Variants in PLA2G4A observed in about 807,000 individuals in gnomAD.
PLA2G4A encodes the protein cytosolic phospholipase A2.
PLA2G4A carries 40 observed loss-of-function variants against 81.9 expected under a neutral mutation model. That is an observed-to-expected ratio of 0.49 (90% confidence interval 0.38 to 0.64). The LOEUF (loss-of-function observed/expected upper bound fraction) is 0.64, where lower values mean the gene tolerates loss of function less well. PLA2G4A is among the 30% of genes least tolerant of loss of function. PLA2G4A has a pLI of 0.00. For synonymous variants in PLA2G4A, 302 were observed against 296.9 expected (o/e 1.02, Z -0.18); for missense variants, 715 against 905.1 (o/e 0.79, Z 2.69).
At chr1:186,893,369 G>C (rs889826829) in intron 4 of PLA2G4A, among the ~76,000 whole-genome samples, 2 of 152,142 alleles carry the variant, frequency 1.3e-5, no homozygotes, top group African/African-American at 2.4e-5. Flanking sequence ...GAAAACTGCT[G>C]TCCTCCCCAC....
intron 12 of PLA2G4A, among the ~76,000 whole-genome samples, chr1:186,948,697 A>C (rs1171411707): frequency 6.6e-6 from 1 of 152,152 alleles, no homozygotes; most frequent in Non-Finnish European, 1.5e-5. Flanking sequence ...GCCAAGGAAA[A>C]GGAGGAGGTT....
At chr1:186,950,905 G>A (rs1253246411) in intron 13 of PLA2G4A, among the ~76,000 whole-genome samples, 177 bp downstream of exon 13, 1 of 152,164 alleles carries the variant, frequency 6.6e-6, no homozygotes, top group Non-Finnish European at 1.5e-5. Flanking sequence ...AAAATAGGCA[G>A]CACATATAAA....
intron 8 of PLA2G4A, among the ~76,000 whole-genome samples, chr1:186,933,169 A>G (rs1056856359): frequency 1.1e-4 from 16 of 152,186 alleles, no homozygotes; most frequent in African/African-American, 3.6e-4. Flanking sequence ...CTAATTGAAA[A>G]TAGTTCTAGA....
chr1:186,845,595 G>C lies in PLA2G4A; in HGVS notation c.-69-8691G>C, dbSNP rs560605742. Among the ~76,000 whole-genome samples, 15 of 152,226 alleles carry C rather than the reference G, an allele frequency of 9.9e-5. No homozygotes were observed. In the South Asian group the frequency reaches 1.9e-3, roughly 19 times the overall value. On this transcript the variant is annotated intron_variant, in intron 1 of 17. Transcript: ENST00000367466. ...GTCTATACAATGAGTTGGAGGGAAA[G>C]AGAAAAGAATCTTTTGCATTCCTAT...
chr1:186,898,056 C>T (rs1654404072), intron 5 of PLA2G4A, among the ~76,000 whole-genome samples: 1 of 152,018 alleles, frequency 6.6e-6, no homozygotes, highest in South Asian at 2.1e-4. Flanking sequence ...AAGTACAATA[C>T]CTTATTTTCA....
At chr1:186,899,423 G>T (rs1336535905) in intron 5 of PLA2G4A, among the ~76,000 whole-genome samples, 3 of 152,168 alleles carry the variant, frequency 2.0e-5, no homozygotes, top group Non-Finnish European at 4.4e-5. Flanking sequence ...TGTCCTTAAA[G>T]AAAGGGTGTG....
chr1:186,951,132 T>A (rs1453071215), intron 13 of PLA2G4A, among the ~76,000 whole-genome samples: 1 of 152,126 alleles, frequency 6.6e-6, no homozygotes, highest in African/African-American at 2.4e-5. Flanking sequence ...AAAATTATAT[T>A]CTCACTCCAT....
chr1:186,937,518 G>A (rs973719935), intron 8 of PLA2G4A, among the ~76,000 whole-genome samples: 11 of 151,744 alleles, frequency 7.2e-5, no homozygotes, highest in African/African-American at 2.7e-4. Context: ...ACATGTTGAG[G>A]GAACTGTTTC....
At chr1:186,848,775 C>T (rs907398543) in intron 1 of PLA2G4A, among the ~76,000 whole-genome samples, 1 of 151,614 alleles carries the variant, frequency 6.6e-6, no homozygotes, top group Admixed American at 6.6e-5. Flanking sequence ...AGAAAGGGGG[C>T]AGAGAAGGGA....
At chr1:186,897,652 G>A (rs1654380431) in intron 5 of PLA2G4A, among the ~76,000 whole-genome samples, 2 of 152,038 alleles carry the variant, frequency 1.3e-5, no homozygotes, top group Admixed American at 6.6e-5. Context: ...GAGATTACAG[G>A]CACGTGCCAT....
At chr1:186,892,824 CA>C (rs776502013) in intron 3 of PLA2G4A, among the ~76,000 whole-genome samples, 186 bp from the exon 4 acceptor site, 53 of 152,184 alleles carry the variant, frequency 3.5e-4, no homozygotes, top group Non-Finnish European at 6.5e-4. Flanking sequence ...TTATGAAGGA[CA>C]GCGACATATG....
At chr1:186,966,597 G>A (rs1228337553) in intron 15 of PLA2G4A, among the ~76,000 whole-genome samples, 2 of 152,150 alleles carry the variant, frequency 1.3e-5, no homozygotes, top group African/African-American at 4.8e-5. Context: ...GTCCGCCTGT[G>A]TTGAAGAAAA....
chr1:186,877,564 C>T (rs550303597), intron 3 of PLA2G4A, among the ~76,000 whole-genome samples: 8 of 151,666 alleles, frequency 5.3e-5, no homozygotes, highest in African/African-American at 1.9e-4. Context: ...ATGGTATCTC[C>T]ATTGTTAAAC....
intron 16 of PLA2G4A, among the ~76,000 whole-genome samples, chr1:186,978,677 G>A (rs563474046): frequency 6.6e-6 from 1 of 152,334 alleles, no homozygotes; most frequent in African/African-American, 2.4e-5. Flanking sequence ...GTTGGCATGT[G>A]TAGGGGATTT....
chr1:186,868,071 CTTTTTTTTTT>C (rs59978011), intron 2 of PLA2G4A, among the ~76,000 whole-genome samples: 8 of 112,922 alleles, frequency 7.1e-5, no homozygotes, highest in East Asian at 5.3e-4. Flanking sequence ...GTGTATAATT[CTTTTTTTTTT>C]TTTTTTTTTT....
intron 3 of PLA2G4A, among the ~76,000 whole-genome samples, chr1:186,892,345 G>A (rs1654174865): frequency 6.6e-6 from 1 of 152,004 alleles, no homozygotes. Flanking sequence ...GTGCCTGTGT[G>A]GTATTGCTCA....
intron 8 of PLA2G4A, among the ~76,000 whole-genome samples, chr1:186,933,524 A>G (rs557820662): frequency 6.6e-6 from 1 of 152,276 alleles, no homozygotes; most frequent in Admixed American, 6.5e-5. Context: ...CCAAGAAGAT[A>G]TTACATACTT....
At chr1:186,905,069 G>A (rs181602361) in intron 5 of PLA2G4A, among the ~76,000 whole-genome samples, 3 of 152,118 alleles carry the variant, frequency 2.0e-5, no homozygotes, top group Non-Finnish European at 4.4e-5. Context: ...TAGCCAGGCT[G>A]GTTTCGAACT....
Position 186,977,859 on chromosome 1 carries a change from T to C in PLA2G4A, c.1960+71T>C, listed in dbSNP as rs148305802. ...GGGACGAAACTGACATTAAACTGTT[T>C]CACTCTGTCACTGCTGTACCAGCTA... On this transcript the variant is annotated intron_variant, in intron 16 of 17. Transcript: ENST00000367466. 715 of 935,236 alleles carry C rather than the reference T, an allele frequency of 7.6e-4. 10 individuals carry two copies. In the East Asian group the frequency reaches 0.01, roughly 13 times the overall value. The allele number at this position is 935,236 out of a possible 1,614,324, so 57.9% of individuals were successfully genotyped here.
Sources: allele counts gnomAD v4.1 joint callset (sites outside exome capture counted in the v4.1 genomes callset), GRCh38; gene constraint gnomAD v4.1.1; transcripts MANE v1.5; gene names NCBI Gene and HGNC (gene_info 2026-07-23, HGNC 2026-07-21).